The following MCPH1 variants were observed in gnomAD, a reference collection of about 807,000 sequenced individuals.
MCPH1 encodes microcephalin 1.
MCPH1 carries 104 observed loss-of-function variants against 84.5 expected under a neutral mutation model. The ratio of observed to expected loss-of-function variants is 1.23; its 90% confidence interval spans 1.05 to 1.45. The LOEUF (loss-of-function observed/expected upper bound fraction) is 1.45. MCPH1 is among the 40% of genes most tolerant of loss of function. The pLI, the probability that MCPH1 is intolerant of heterozygous loss-of-function variation, is 0.00. For missense variants in MCPH1, 1,498 were observed against 1,005.7 expected (o/e 1.49, Z -6.62); for synonymous variants, 514 against 366.8 (o/e 1.40, Z -4.58).
At chr8:6,526,148 G>A (rs888942375) in intron 12 of MCPH1, among the ~76,000 whole-genome samples, 4 of 151,638 alleles carry the variant, frequency 2.6e-5, no homozygotes, top group African/African-American at 4.8e-5. Context: ...CGCCAGGTAC[G>A]GTGGCTCATG....
chr8:6,525,224 C>T (rs1479263504), intron 12 of MCPH1, among the ~76,000 whole-genome samples: 1 of 152,112 alleles, frequency 6.6e-6, no homozygotes, highest in African/African-American at 2.4e-5. Flanking sequence ...TCAATTGTAG[C>T]TCTTAAATGT....
At chr8:6,602,927 G>A (rs1829484021) in intron 12 of MCPH1, among the ~76,000 whole-genome samples, 1 of 151,958 alleles carries the variant, frequency 6.6e-6, no homozygotes, top group African/African-American at 2.4e-5. Context: ...ATGTATATTT[G>A]TGTGTGCATG....
chr8:6,621,049 C>T (rs1258021274), intron 12 of MCPH1: 9 of 313,590 alleles, frequency 2.9e-5, no homozygotes, highest in Non-Finnish European at 5.5e-5. Context: ...GAATGACGCT[C>T]TCCCAGCACA....
chr8:6,583,258 T>G (rs1422888908), intron 12 of MCPH1, among the ~76,000 whole-genome samples: 3 of 152,212 alleles, frequency 2.0e-5, no homozygotes, highest in Non-Finnish European at 4.4e-5. Flanking sequence ...TTTTTTTTAT[T>G]TCTTCTAAAC....
intron 9 of MCPH1, among the ~76,000 whole-genome samples, chr8:6,461,562 A>G (rs1433278945): frequency 6.7e-6 from 1 of 149,642 alleles, no homozygotes; most frequent in Non-Finnish European, 1.5e-5. Context: ...CTGGTTTTGA[A>G]CTCCTGACCT....
intron 11 of MCPH1, among the ~76,000 whole-genome samples, chr8:6,486,684 C>G (rs905519995): frequency 6.6e-6 from 1 of 152,158 alleles, no homozygotes; most frequent in South Asian, 2.1e-4. Context: ...TATGTTTTTC[C>G]TCCTTCATGA....
intron 12 of MCPH1, among the ~76,000 whole-genome samples, chr8:6,511,483 G>T (rs1246665883): frequency 1.3e-5 from 2 of 152,062 alleles, no homozygotes; most frequent in Non-Finnish European, 2.9e-5. Flanking sequence ...AAATTCTATT[G>T]ATGCATTTAT....
chr8:6,544,596 G>C (rs1243365742), intron 12 of MCPH1, among the ~76,000 whole-genome samples: 2 of 152,190 alleles, frequency 1.3e-5, no homozygotes, highest in African/African-American at 4.8e-5. Flanking sequence ...TGGAGGGGGA[G>C]AGGGTTGAGT....
chr8:6,640,688 C>T (rs140838859), intron 13 of MCPH1, among the ~76,000 whole-genome samples: 101 of 152,228 alleles, frequency 6.6e-4, no homozygotes, highest in African/African-American at 2.4e-3. Flanking sequence ...TTATTTTTTA[C>T]AAAATTAAAC....
intron 13 of MCPH1, among the ~76,000 whole-genome samples, chr8:6,641,200 C>T (rs1797913505): frequency 6.6e-6 from 1 of 152,088 alleles, no homozygotes; most frequent in Non-Finnish European, 1.5e-5. Context: ...GAAAGAGCAT[C>T]ATTTTTTCTG....
intron 12 of MCPH1, among the ~76,000 whole-genome samples, chr8:6,525,151 C>T (rs374523667): frequency 1.3e-5 from 2 of 152,228 alleles, no homozygotes; most frequent in African/African-American, 4.8e-5. Flanking sequence ...AAGGAACTGG[C>T]TACCCATTAC....
At chr8:6,431,127 C>T (rs567699390) in intron 3 of MCPH1, among the ~76,000 whole-genome samples, 2 of 152,272 alleles carry the variant, frequency 1.3e-5, no homozygotes, top group South Asian at 4.1e-4. Context: ...TACGTCCCTT[C>T]TACCTCTGAA....
intron 13 of MCPH1, among the ~76,000 whole-genome samples, chr8:6,634,404 A>C (rs1435256045): frequency 1.3e-5 from 2 of 152,184 alleles, no homozygotes; most frequent in Non-Finnish European, 1.5e-5. Flanking sequence ...ATGAGACATG[A>C]CCATTTGGGT....
At chr8:6,642,866 G>GT in intron 13 of MCPH1, 128 bp from the exon 14 acceptor site, 1 of 800,418 alleles carries the variant, frequency 1.2e-6, no homozygotes, top group Admixed American at 2.0e-5. Context: ...GACGTGGGGG[G>GT]GCCTATGGAC....
At chr8:6,591,643 C>T (rs903415309) in intron 12 of MCPH1, among the ~76,000 whole-genome samples, 6 of 152,200 alleles carry the variant, frequency 3.9e-5, no homozygotes, top group Non-Finnish European at 5.9e-5. Flanking sequence ...TTCCAGGACA[C>T]GTGGCCCTTA....
intron 8 of MCPH1, chr8:6,447,494 C>T (rs1804570867): frequency 1.2e-6 from 1 of 814,396 alleles, no homozygotes; most frequent in Non-Finnish European, 1.5e-6. Context: ...CAAAGAGCTT[C>T]AATACGCTGA....
chr8:6,588,676 G>A (rs1490547788), intron 12 of MCPH1, among the ~76,000 whole-genome samples: 2 of 152,252 alleles, frequency 1.3e-5, no homozygotes, highest in African/African-American at 4.8e-5. Flanking sequence ...CCCCTGTCCT[G>A]CAGGTACAAA....
intron 13 of MCPH1, chr8:6,626,299 A>T (rs924145265): frequency 5.1e-6 from 5 of 985,244 alleles, no homozygotes; most frequent in Non-Finnish European, 6.0e-6. Flanking sequence ...TCCCTGGAGA[A>T]TTTCATCTGC....
At chr8:6,463,988 T>C (rs1016106480) in intron 9 of MCPH1, among the ~76,000 whole-genome samples, 1 of 152,226 alleles carries the variant, frequency 6.6e-6, no homozygotes, top group Non-Finnish European at 1.5e-5. Context: ...TATTTATTTA[T>C]TTTTTCTTGA....
Sources: gnomAD v4.1 joint callset for allele counts (sites outside exome capture counted in the v4.1 genomes callset) on GRCh38, gnomAD v4.1.1 for gene constraint, MANE v1.5 for transcripts, NCBI Gene and HGNC (gene_info 2026-07-23, HGNC 2026-07-21) for gene names.